Variants in RNF220 observed in about 807,000 individuals in gnomAD.
The protein encoded by RNF220 is E3 ubiquitin-protein ligase RNF220.
In RNF220, 7 loss-of-function variants were observed where a neutral mutation model predicts 67.1. The ratio of observed to expected loss-of-function variants is 0.10; its 90% confidence interval spans 0.06 to 0.20. RNF220 has a LOEUF of 0.20. Among genes scored for constraint, RNF220 ranks in the 10% least tolerant of loss-of-function variants. RNF220 has a pLI of 1.00. For synonymous variants in RNF220, 270 were observed against 283.2 expected (o/e 0.95, Z 0.47); for missense variants, 565 against 740.3 (o/e 0.76, Z 2.75).
chr1:44,611,213 T>G (rs1427993071), intron 2 of RNF220, among the ~76,000 whole-genome samples: 1 of 152,242 alleles, frequency 6.6e-6, no homozygotes, highest in African/African-American at 2.4e-5. Context: ...GTCCCTTTGC[T>G]GATCCCTGCC....
intron 2 of RNF220, among the ~76,000 whole-genome samples, chr1:44,499,002 C>T (rs974589559): frequency 4.6e-5 from 7 of 152,102 alleles, no homozygotes; most frequent in African/African-American, 1.4e-4. Flanking sequence ...TCCTAATAAC[C>T]AACTTAAACA....
At chr1:44,447,411 A>G (rs1472197489) in intron 2 of RNF220, among the ~76,000 whole-genome samples, 3 of 152,212 alleles carry the variant, frequency 2.0e-5, no homozygotes, top group African/African-American at 7.2e-5. Context: ...ATCTATATAC[A>G]TATCTCTGTT....
At chr1:44,631,478 A>C (rs1008063813) in intron 5 of RNF220, among the ~76,000 whole-genome samples, 1 of 152,194 alleles carries the variant, frequency 6.6e-6, no homozygotes, top group Non-Finnish European at 1.5e-5. Flanking sequence ...TGTTTGGAGG[A>C]TACTGAGTTC....
At chr1:44,424,905 G>A (rs1057408465) in intron 2 of RNF220, among the ~76,000 whole-genome samples, 1 of 152,254 alleles carries the variant, frequency 6.6e-6, no homozygotes, top group Non-Finnish European at 1.5e-5. Context: ...TCTCACTGCT[G>A]TTGCTCTGCC....
At chr1:44,450,854 G>A (rs867004296) in intron 2 of RNF220, among the ~76,000 whole-genome samples, 66 of 152,258 alleles carry the variant, frequency 4.3e-4, no homozygotes, top group Admixed American at 2.4e-3. Flanking sequence ...GAGTTAAGAG[G>A]TGTTTTTGTG....
At chr1:44,542,876 T>C (rs1252654156) in intron 2 of RNF220, among the ~76,000 whole-genome samples, 1 of 152,148 alleles carries the variant, frequency 6.6e-6, no homozygotes, top group East Asian at 1.9e-4. Context: ...AGTGGTTACC[T>C]TGAGTGGGGC....
At chr1:44,598,231 C>T (rs1380686173) in intron 2 of RNF220, among the ~76,000 whole-genome samples, 1 of 152,158 alleles carries the variant, frequency 6.6e-6, no homozygotes, top group Non-Finnish European at 1.5e-5. Context: ...GGTTCAGCTC[C>T]TCCCCACCCC....
chr1:44,538,224 T>A (rs1042036142), intron 2 of RNF220, among the ~76,000 whole-genome samples: 3 of 152,220 alleles, frequency 2.0e-5, no homozygotes, highest in Non-Finnish European at 2.9e-5. Flanking sequence ...ATCAATATTC[T>A]TTGGGTGTGG....
chr1:44,634,975 T>A (rs1259172499), intron 6 of RNF220, among the ~76,000 whole-genome samples: 1 of 152,162 alleles, frequency 6.6e-6, no homozygotes, highest in East Asian at 1.9e-4. Flanking sequence ...TGACTGGGCC[T>A]CAGTCTCCTC....
At chr1:44,446,211 A>G (rs1268163599) in intron 2 of RNF220, among the ~76,000 whole-genome samples, 1 of 152,256 alleles carries the variant, frequency 6.6e-6, no homozygotes, top group Non-Finnish European at 1.5e-5. Flanking sequence ...CTTAGGCTCA[A>G]ACTAGTTCAA....
intron 2 of RNF220, among the ~76,000 whole-genome samples, chr1:44,599,335 T>C (rs1424750898): frequency 6.6e-6 from 1 of 152,176 alleles, no homozygotes; most frequent in Non-Finnish European, 1.5e-5. Flanking sequence ...AGTTAATTAT[T>C]AGGGAAGGCT....
intron 2 of RNF220, among the ~76,000 whole-genome samples, chr1:44,602,726 C>T (rs1033973357): frequency 2.0e-5 from 3 of 152,112 alleles, no homozygotes; most frequent in African/African-American, 7.2e-5. Context: ...CTCCTTAGTT[C>T]TCTCCTCTCC....
At chr1:44,442,339 C>T (rs1349771542) in intron 2 of RNF220, among the ~76,000 whole-genome samples, 3 of 152,032 alleles carry the variant, frequency 2.0e-5, no homozygotes, top group East Asian at 3.9e-4. Flanking sequence ...GATGGGATTT[C>T]GCCATGTTTC....
chr1:44,549,397 G>A (rs1296153209), intron 2 of RNF220, among the ~76,000 whole-genome samples: 1 of 152,154 alleles, frequency 6.6e-6, no homozygotes, highest in East Asian at 1.9e-4. Flanking sequence ...TCACCAAGGG[G>A]AATTTTTCTC....
chr1:44,595,727 ATTTTTATTTTAC>A (rs1272432326), intron 2 of RNF220, among the ~76,000 whole-genome samples: 2 of 151,868 alleles, frequency 1.3e-5, no homozygotes, highest in Admixed American at 1.3e-4. Context: ...AGGAACAGAG[ATTTTTATTTTAC>A]TTTTTATTTT....
chr1:44,532,427 T>C (rs540151537), intron 2 of RNF220, among the ~76,000 whole-genome samples: 1 of 152,348 alleles, frequency 6.6e-6, no homozygotes, highest in Non-Finnish European at 1.5e-5. Flanking sequence ...GTCCCCACTA[T>C]ATACCAGAGG....
Position 44,407,606 on chromosome 1 carries a change from G to A in RNF220, c.-118+2076G>A, listed in dbSNP as rs1557894191. On this transcript the variant is annotated intron_variant, in intron 1 of 14. Coordinates refer to ENST00000361799, the MANE Select transcript of RNF220 (RefSeq NM_018150.4). ...CGCCGCTGGTGGCCGACAGGGCCGGGGCCGGGCGCGGAGCGAGCGGGGACA... is the reference window on the plus strand; with the variant it reads ...CGCCGCTGGTGGCCGACAGGGCCGGAGCCGGGCGCGGAGCGAGCGGGGACA... Among the ~76,000 whole-genome samples, 3 of 152,064 alleles carry A rather than the reference G, an allele frequency of 2.0e-5. 1 individual carries two copies. Among genetic ancestry groups the A allele is most frequent in the Admixed American group, 1.3e-4 (2 of 15,276 alleles).
intron 2 of RNF220, among the ~76,000 whole-genome samples, chr1:44,594,917 C>A (rs1395642553): frequency 6.6e-6 from 1 of 152,166 alleles, no homozygotes; most frequent in Non-Finnish European, 1.5e-5. Context: ...GGGGCTCTAC[C>A]CTTGGCCTCT....
chr1:44,512,686 T>A (rs1659107135), intron 2 of RNF220, among the ~76,000 whole-genome samples: 1 of 152,240 alleles, frequency 6.6e-6, no homozygotes, highest in Non-Finnish European at 1.5e-5. Context: ...TAAATCTGTT[T>A]AGCTTGGCTA....
Sources: allele counts gnomAD v4.1 joint callset (sites outside exome capture counted in the v4.1 genomes callset), GRCh38; gene constraint gnomAD v4.1.1; transcripts MANE v1.5; gene names NCBI Gene and HGNC (gene_info 2026-07-23, HGNC 2026-07-21).